The following FAM110B variants were observed in gnomAD, a reference collection of about 807,000 sequenced individuals.
The protein encoded by FAM110B is family with sequence similarity 110 member B.
In FAM110B, 6 loss-of-function variants were observed where a neutral mutation model predicts 20.4. The observed-to-expected ratio is 0.29, with a 90% CI of 0.16 to 0.58. The LOEUF is 0.58. Among genes scored for constraint, FAM110B ranks in the 20% least tolerant of loss-of-function variants. The pLI, the probability that FAM110B is intolerant of heterozygous loss-of-function variation, is 0.90. For missense variants in FAM110B, 434 were observed against 498.2 expected (o/e 0.87, Z 1.23); for synonymous variants, 226 against 214.1 (o/e 1.06, Z -0.49).
chr8:58,019,089 C>T (rs1031690903), intron 1 of FAM110B, among the ~76,000 whole-genome samples: 1 of 151,902 alleles, frequency 6.6e-6, no homozygotes, highest in Non-Finnish European at 1.5e-5. Context: ...GTAATCCCAG[C>T]ACTTTGGGAG....
chr8:58,066,657 T>G (rs1805772214), intron 2 of FAM110B, among the ~76,000 whole-genome samples: 1 of 152,184 alleles, frequency 6.6e-6, no homozygotes, highest in East Asian at 1.9e-4. Context: ...AAGGAGACTT[T>G]CACAGCCTGG....
At chr8:58,006,678 C>G (rs1165562154) in intron 1 of FAM110B, among the ~76,000 whole-genome samples, 1 of 151,302 alleles carries the variant, frequency 6.6e-6, no homozygotes, top group Non-Finnish European at 1.5e-5. Context: ...TCTCGGCTCA[C>G]TGCAACCTCT....
intron 1 of FAM110B, among the ~76,000 whole-genome samples, chr8:58,027,530 C>T (rs944693291): frequency 6.6e-6 from 1 of 151,908 alleles, no homozygotes; most frequent in Non-Finnish European, 1.5e-5. Context: ...CAGTTATGCA[C>T]CCACTACCAC....
intron 2 of FAM110B, among the ~76,000 whole-genome samples, chr8:58,040,929 G>GA (rs1805201563): frequency 7.1e-6 from 1 of 141,436 alleles, no homozygotes; most frequent in Non-Finnish European, 1.5e-5. Flanking sequence ...TTAGAAATGG[G>GA]AAAATCTTTT....
At chr8:58,083,566 G>T in intron 3 of FAM110B, among the ~76,000 whole-genome samples, 1 of 152,176 alleles carries the variant, frequency 6.6e-6, no homozygotes, top group South Asian at 2.1e-4. Flanking sequence ...AATTATTTGT[G>T]ATTGTCTCCA....
chr8:58,032,883 T>G (rs975128924), intron 2 of FAM110B, among the ~76,000 whole-genome samples: 1 of 152,190 alleles, frequency 6.6e-6, no homozygotes, highest in African/African-American at 2.4e-5. Context: ...ATGTGGCTCT[T>G]GAGACATCGA....
chr8:58,114,422 A>G (rs1807144036), intron 3 of FAM110B, among the ~76,000 whole-genome samples: 1 of 152,206 alleles, frequency 6.6e-6, no homozygotes, highest in Admixed American at 6.5e-5. Flanking sequence ...TGGCTTTCCC[A>G]AGTGTATTCA....
At chr8:58,066,516 G>T (rs1420771449) in intron 2 of FAM110B, among the ~76,000 whole-genome samples, 3 of 152,194 alleles carry the variant, frequency 2.0e-5, no homozygotes, top group African/African-American at 7.2e-5. Context: ...GGCCACAGCT[G>T]AGTAAGTGTC....
At chr8:58,079,488 A>G (rs61498770) in intron 3 of FAM110B, among the ~76,000 whole-genome samples, 3,245 of 152,280 alleles carry the variant, frequency 0.021, 122 homozygotes, top group African/African-American at 0.074. Flanking sequence ...AAATTATCAA[A>G]TTGGCAGTAG....
intron 3 of FAM110B, among the ~76,000 whole-genome samples, chr8:58,092,725 A>T (rs999956809): frequency 6.6e-6 from 1 of 152,190 alleles, no homozygotes; most frequent in East Asian, 1.9e-4. Flanking sequence ...ATGTGTCTTT[A>T]TAGTAGAATG....
chr8:58,053,504 A>G (rs769186960), intron 2 of FAM110B, among the ~76,000 whole-genome samples: 1 of 152,220 alleles, frequency 6.6e-6, no homozygotes, highest in African/African-American at 2.4e-5. Context: ...TGCTAATGAC[A>G]TGCAATGGAG....
chr8:58,057,809 A>G (rs1805577781), intron 2 of FAM110B, among the ~76,000 whole-genome samples: 1 of 152,250 alleles, frequency 6.6e-6, no homozygotes, highest in Non-Finnish European at 1.5e-5. Flanking sequence ...TTAAATGATT[A>G]ATGCCTTTTG....
At chr8:58,063,400 G>GTATACTCAAAGAGATACAGCATATGTT in intron 2 of FAM110B, among the ~76,000 whole-genome samples, 1 of 152,146 alleles carries the variant, frequency 6.6e-6, no homozygotes. Context: ...TTTCCTATGT[G>GTATACTCAAAGAGATACAGCATATGTT]TATACTCAAA....
chr8:57,995,250 C>A (rs1804160243), intron 1 of FAM110B, among the ~76,000 whole-genome samples: 2 of 151,934 alleles, frequency 1.3e-5, no homozygotes, highest in South Asian at 4.2e-4. Context: ...GATGGGGACT[C>A]CGCTCGGCCA....
chr8:57,998,086 A>G (rs1804220260), intron 1 of FAM110B, among the ~76,000 whole-genome samples: 1 of 152,232 alleles, frequency 6.6e-6, no homozygotes, highest in Admixed American at 6.5e-5. Flanking sequence ...TCTCTTCTCT[A>G]TAACTCATTG....
chr8:58,071,080 CACTT>C lies in FAM110B; in HGVS notation c.-413-4450_-413-4447del, dbSNP rs1326749665. On this transcript the variant is annotated intron_variant, in intron 2 of 3. Coordinates refer to ENST00000519262, the MANE Select transcript of FAM110B (RefSeq NM_001377989.1). ...AGTCGCAGGAAGGTGGGGTTCTTAC[CACTT>C]ACTTTGTCTACTGTTTGACAACATT... Among the ~76,000 whole-genome samples the C allele has an allele frequency of 2.0e-5, 3 of 152,168 alleles. 1 individual carries two copies. The highest frequency in any genetic ancestry group is 7.2e-5 in the African/African-American group (3 of 41,532).
intron 2 of FAM110B, among the ~76,000 whole-genome samples, chr8:58,060,866 A>G (rs1805643695): frequency 6.6e-6 from 1 of 152,122 alleles, no homozygotes; most frequent in Admixed American, 6.6e-5. Flanking sequence ...ATGAGAGCTC[A>G]AGCATTAGTC....
At chr8:58,053,007 G>C (rs1228820969) in intron 2 of FAM110B, among the ~76,000 whole-genome samples, 4 of 151,392 alleles carry the variant, frequency 2.6e-5, no homozygotes, top group African/African-American at 9.7e-5. Context: ...GGATGGTCTC[G>C]ATCTCCTGAC....
At chr8:58,049,173 A>G (rs1174862304) in intron 2 of FAM110B, among the ~76,000 whole-genome samples, 1 of 152,104 alleles carries the variant, frequency 6.6e-6, no homozygotes, top group African/African-American at 2.4e-5. Flanking sequence ...ACTCTCATAT[A>G]TTATGTTTCT....
Sources: gnomAD v4.1 joint callset for allele counts (sites outside exome capture counted in the v4.1 genomes callset) on GRCh38, gnomAD v4.1.1 for gene constraint, MANE v1.5 for transcripts, NCBI Gene and HGNC (gene_info 2026-07-23, HGNC 2026-07-21) for gene names.